Variants in IAPP observed in about 807,000 individuals in gnomAD.
IAPP encodes islet amyloid polypeptide.
A neutral mutation model predicts 2.9 loss-of-function variants in IAPP; 4 were observed. The ratio of observed to expected loss-of-function variants is 1.39; its 90% confidence interval spans 0.69 to 3.19. The LOEUF (loss-of-function observed/expected upper bound fraction) is 3.19, where lower values mean the gene tolerates loss of function less well. IAPP is among the 30% of genes most tolerant of loss of function. IAPP has a pLI of 0.01. For missense variants in IAPP, 114 were observed against 105.3 expected (o/e 1.08, Z -0.36); for synonymous variants, 40 against 42.1 (o/e 0.95, Z 0.19).
Position 21,379,460 on chromosome 12 carries a change from A to G in IAPP, c.*1034A>G, listed in dbSNP as rs760757508. 4 of 152,250 alleles carry G rather than the reference A, an allele frequency of 2.6e-5. No homozygotes were observed. The highest frequency in any genetic ancestry group is 5.9e-5 in the Non-Finnish European group (4 of 68,042). 9.4% of individuals were successfully genotyped at this position (152,250 alleles called of 1,614,324 possible). A position where few individuals can be genotyped will look rare whatever the true frequency, so the allele number is the denominator to read the frequency against. Reference sequence around the variant, plus strand: ...TTGTGTTCTATTAATCGTGTCTTCAATTAAAAGACCACAGACTTCTGGAAA... The same window carrying G: ...TTGTGTTCTATTAATCGTGTCTTCAGTTAAAAGACCACAGACTTCTGGAAA... On this transcript the variant is annotated 3_prime_UTR_variant, in exon 3 of 3. Transcript: ENST00000240652.
At chr12:21,373,537 T>C in intron 2 of IAPP, 106 bp downstream of exon 2, 1 of 806,556 alleles carries the variant, frequency 1.2e-6, no homozygotes. Context: ...GACTATATCA[T>C]ACTTAAGAAC....
chr12:21,376,394 A>G, intron 2 of IAPP: 1 of 303,336 alleles, frequency 3.3e-6, no homozygotes, highest in Non-Finnish European at 7.0e-6. Flanking sequence ...ATGCAAATGT[A>G]TGAAATTACT....
At chr12:21,368,543 G>T (rs879733455), upstream of IAPP, among the ~76,000 whole-genome samples, 1 of 151,972 alleles carries the variant, frequency 6.6e-6, no homozygotes, top group African/African-American at 2.4e-5. Context: ...CCCATAAATT[G>T]TATGTTTAGA....
upstream of IAPP, among the ~76,000 whole-genome samples, chr12:21,369,615 A>G (rs957881313): frequency 3.3e-5 from 5 of 152,200 alleles, no homozygotes; most frequent in Non-Finnish European, 5.9e-5. Flanking sequence ...GATGTTTTAA[A>G]GTTGCGGGAC....
chr12:21,356,762 T>C (rs1591875514), intron 1 of IAPP, among the ~76,000 whole-genome samples: 1 of 152,122 alleles, frequency 6.6e-6, no homozygotes, highest in Non-Finnish European at 1.5e-5. Flanking sequence ...TTAATTCTCA[T>C]GCAGTCCAAG....
intron 1 of IAPP, among the ~76,000 whole-genome samples, chr12:21,357,410 AGCC>A (rs1227753237): frequency 6.6e-6 from 1 of 152,230 alleles, no homozygotes; most frequent in Non-Finnish European, 1.5e-5. Context: ...GGCATGGAAC[AGCC>A]CTCAGATAGA....
chr12:21,360,815 G>A (rs899594632), intron 1 of IAPP, among the ~76,000 whole-genome samples: 2 of 152,208 alleles, frequency 1.3e-5, no homozygotes, highest in Admixed American at 1.3e-4. Flanking sequence ...AGATGGAACT[G>A]CAAGGCAGCA....
chr12:21,370,111 T>TG (rs1402174011), upstream of IAPP, among the ~76,000 whole-genome samples: 1 of 152,208 alleles, frequency 6.6e-6, no homozygotes, highest in Non-Finnish European at 1.5e-5. Flanking sequence ...ACAAATATCC[T>TG]GGATCAGACA....
upstream of IAPP, among the ~76,000 whole-genome samples, chr12:21,370,341 T>TA (rs544929427): frequency 1.3e-4 from 20 of 152,152 alleles, no homozygotes; most frequent in East Asian, 1.5e-3. Context: ...CTTTTTTTTT[T>TA]ATTATACTTT....
chr12:21,362,360 G>A (rs899656571), intron 1 of IAPP, among the ~76,000 whole-genome samples: 1 of 152,080 alleles, frequency 6.6e-6, no homozygotes, highest in Non-Finnish European at 1.5e-5. Context: ...GAGAGATTTT[G>A]TCACCACCAT....
At chr12:21,361,187 T>C (rs1938840470) in intron 1 of IAPP, among the ~76,000 whole-genome samples, 1 of 152,170 alleles carries the variant, frequency 6.6e-6, no homozygotes, top group African/African-American at 2.4e-5. Context: ...AAGACAAAGC[T>C]TCCAGAGGAA....
upstream of IAPP, among the ~76,000 whole-genome samples, chr12:21,368,149 C>T (rs956221915): frequency 6.6e-6 from 1 of 152,088 alleles, no homozygotes; most frequent in Non-Finnish European, 1.5e-5. Flanking sequence ...ATATTATGTA[C>T]CCCTTGATAT....
upstream of IAPP, among the ~76,000 whole-genome samples, chr12:21,372,136 T>C (rs1239558144): frequency 6.6e-6 from 1 of 152,214 alleles, no homozygotes; most frequent in Non-Finnish European, 1.5e-5. Context: ...CCATTCATAA[T>C]GTTCTCATGG....
intron 2 of IAPP, among the ~76,000 whole-genome samples, chr12:21,377,890 A>T (rs1341560870): frequency 6.6e-6 from 1 of 152,108 alleles, no homozygotes; most frequent in Non-Finnish European, 1.5e-5. Context: ...TTACCTTCTA[A>T]ATTCTTTTTA....
chr12:21,360,050 T>C (rs1030555861), intron 1 of IAPP, among the ~76,000 whole-genome samples: 10 of 151,854 alleles, frequency 6.6e-5, no homozygotes, highest in African/African-American at 2.4e-4. Context: ...GAATACATGC[T>C]ATACTATCTC....
At chr12:21,378,202 G>A (rs777146031) in intron 2 of IAPP, 35 bp from the exon 3 acceptor site, 5 of 1,596,740 alleles carry the variant, frequency 3.1e-6, no homozygotes. Context: ...AAAATTCTAA[G>A]GCTCTAACTT....
chr12:21,368,572 G>A (rs573501696), upstream of IAPP, among the ~76,000 whole-genome samples: 11 of 152,134 alleles, frequency 7.2e-5, no homozygotes, highest in East Asian at 2.1e-3. Context: ...TGGTTTCAGA[G>A]CTATGTTCTA....
chr12:21,368,355 A>AT (rs1296328322), upstream of IAPP, among the ~76,000 whole-genome samples: 7 of 152,270 alleles, frequency 4.6e-5, no homozygotes, highest in Admixed American at 2.6e-4. Flanking sequence ...AAATGCCCCC[A>AT]TTTTTTAAAT....
intron 2 of IAPP, 76 bp from the exon 3 acceptor site, chr12:21,378,161 G>T: frequency 7.6e-7 from 1 of 1,314,436 alleles, no homozygotes; most frequent in East Asian, 2.3e-5. Context: ...ATCAATACAA[G>T]ATATTTGATG....
Sources: gnomAD v4.1 joint callset for allele counts (sites outside exome capture counted in the v4.1 genomes callset) on GRCh38, gnomAD v4.1.1 for gene constraint, MANE v1.5 for transcripts, NCBI Gene and HGNC (gene_info 2026-07-23, HGNC 2026-07-21) for gene names.